The following CHD7 variants were observed in gnomAD, a reference collection of about 807,000 sequenced individuals.
CHD7 encodes ATP-dependent chromatin remodeler CHD7.
In CHD7, 24 loss-of-function variants were observed where a neutral mutation model predicts 307.3. That is an observed-to-expected ratio of 0.08 (90% CI 0.06 to 0.11). The LOEUF is 0.11. Ranked by LOEUF, CHD7 falls within the 10% of genes least tolerant of loss-of-function variation. CHD7 has a pLI of 1.00. For missense variants in CHD7, 3,106 were observed against 3,727.1 expected (o/e 0.83, Z 4.34); for synonymous variants, 1,363 against 1,349.9 (o/e 1.01, Z -0.21).
chr8:60,730,815 G>A (rs953274982), intron 1 of CHD7, among the ~76,000 whole-genome samples: 8 of 151,756 alleles, frequency 5.3e-5, no homozygotes, highest in Admixed American at 2.0e-4. Flanking sequence ...AGCTGAGATC[G>A]CGCCACTGCA....
intron 8 of CHD7, among the ~76,000 whole-genome samples, chr8:60,819,506 A>G (rs548502723): frequency 6.6e-6 from 1 of 152,354 alleles, no homozygotes; most frequent in African/African-American, 2.4e-5. Context: ...ACCAAACATT[A>G]TAAACTCTGA....
At chr8:60,710,197 G>C (rs1586194902) in intron 1 of CHD7, among the ~76,000 whole-genome samples, 1 of 150,380 alleles carries the variant, frequency 6.6e-6, no homozygotes, top group South Asian at 2.1e-4. Context: ...CACGCTCTTA[G>C]TTGATCATAA....
intron 34 of CHD7, among the ~76,000 whole-genome samples, chr8:60,857,988 G>A (rs1292379108): frequency 6.6e-6 from 1 of 152,206 alleles, no homozygotes; most frequent in African/African-American, 2.4e-5. Context: ...GGGCATGGTG[G>A]CTCACGCCTG....
Position 60,862,738 on chromosome 8 carries a change from T to C in CHD7, c.8076+86T>C, listed in dbSNP as rs1806059250. ...TTTCTTATTTTCTGTTGGCCATTAA[T>C]TATTCAGTTGTAACTTAGCTTAAAA... On this transcript the variant is annotated intron_variant, in intron 37 of 37. Transcript: ENST00000423902. 4.5e-6 allele frequency: 4 copies of C among 892,312 alleles called. No homozygotes were observed. The East Asian group carries it at 1.1e-4, about 24-fold the overall frequency. The allele number at this position is 892,312 out of a possible 1,614,324, so 55.3% of individuals were successfully genotyped here.
At position 60,856,151 on chromosome 8, in the gene CHD7, A is replaced by T; in HGVS notation, c.7113A>T (p.Gln2371His). The T allele has an allele frequency of 6.2e-7, 1 of 1,606,964 alleles. No homozygotes were observed. Among genetic ancestry groups the T allele is most frequent in the East Asian group, 2.2e-5 (1 of 44,682 alleles). Reference protein sequence around the residue: ...RSFAELSMVGQASISGSEDIT... With the variant: ...RSFAELSMVGHASISGSEDIT... ...TTGCTGAGCTCTCCATGGTCGGCCA[A>T]GCCAGCATTAGTGGGAGTGAGGACA... The change falls in exon 33 of 38, where the codon CAA (glutamine) becomes CAT (histidine). Residue 2371 changes from glutamine to histidine, a missense_variant. Transcript: ENST00000423902.
intron 1 of CHD7, among the ~76,000 whole-genome samples, chr8:60,711,240 T>C (rs544290191): frequency 6.6e-6 from 1 of 152,300 alleles, no homozygotes; most frequent in East Asian, 1.9e-4. Context: ...TTAATTATAG[T>C]CCCACATCAC....
At chr8:60,776,853 G>GA (rs2150659893) in intron 2 of CHD7, among the ~76,000 whole-genome samples, 1 of 152,076 alleles carries the variant, frequency 6.6e-6, no homozygotes, top group African/African-American at 2.4e-5. Context: ...GGGAATACTG[G>GA]AAAAAATAAA....
intron 2 of CHD7, among the ~76,000 whole-genome samples, chr8:60,752,466 C>T (rs528191612): frequency 6.6e-6 from 1 of 152,338 alleles, no homozygotes; most frequent in East Asian, 1.9e-4. Flanking sequence ...TGGCCTCTTG[C>T]CAGCGGCTGC....
chr8:60,853,203 G>A lies in CHD7; in HGVS notation c.6478G>A (p.Ala2160Thr), dbSNP rs61753399. Residue 2160 changes from alanine (A) to threonine (T), a missense_variant, in exon 31 of 38, where the codon GCT becomes ACT. Physicochemically the swap from Ala to Thr is moderately conservative, Grantham distance 58 (BLOSUM62 0). Transcript: ENST00000423902. ...FVQTPPVISS[A>T]HIQDERVLEQ... ...CCAGACTCCTCCAGTCATCTCATCT[G>A]CTCATATTCAAGATGAGAGGGTACT... is the stretch of plus-strand genomic sequence containing the variant. 1,246 of 1,613,856 alleles carry A rather than the reference G, an allele frequency of 7.7e-4. 10 individuals carry two copies. The African/African-American group carries it at 0.015, about 19-fold the overall frequency.
chr8:60,770,038 A>G (rs1269382773), intron 2 of CHD7, among the ~76,000 whole-genome samples: 1 of 152,236 alleles, frequency 6.6e-6, no homozygotes, highest in African/African-American at 2.4e-5. Context: ...ATATTGTGCT[A>G]TGCAAACAAG....
At chr8:60,798,960 A>C (rs775738808) in intron 4 of CHD7, among the ~76,000 whole-genome samples, 29 of 152,150 alleles carry the variant, frequency 1.9e-4, no homozygotes, top group Non-Finnish European at 3.7e-4. Flanking sequence ...GTTCTGTTCC[A>C]TTTGCTTCTC....
intron 1 of CHD7, among the ~76,000 whole-genome samples, chr8:60,724,080 C>A (rs1010667953): frequency 9.9e-5 from 15 of 152,146 alleles, no homozygotes; most frequent in African/African-American, 3.6e-4. Flanking sequence ...GTCTTTTAGC[C>A]CTCATGTTCA....
At chr8:60,713,309 C>T (rs1563535998) in intron 1 of CHD7, among the ~76,000 whole-genome samples, 3 of 151,846 alleles carry the variant, frequency 2.0e-5, no homozygotes, top group Admixed American at 6.6e-5. Flanking sequence ...GACGGGGTTT[C>T]GCCATATTGG....
At chr8:60,708,516 G>C (rs1807122407) in intron 1 of CHD7, among the ~76,000 whole-genome samples, 1 of 152,092 alleles carries the variant, frequency 6.6e-6, no homozygotes, top group East Asian at 1.9e-4. Context: ...TTTAACCCTT[G>C]AAAACAGATT....
At chr8:60,718,959 T>C (rs1044777242) in intron 1 of CHD7, among the ~76,000 whole-genome samples, 1 of 152,274 alleles carries the variant, frequency 6.6e-6, no homozygotes, top group African/African-American at 2.4e-5. Context: ...TGTAACATGC[T>C]GCACAGGTTT....
chr8:60,821,978 G>A (rs759728152), intron 10 of CHD7, 46 bp from the exon 11 acceptor site: 1 of 1,613,422 alleles, frequency 6.2e-7, no homozygotes, highest in East Asian at 2.2e-5. Flanking sequence ...GCATAGTGGT[G>A]TGGTCTTTGG....
intron 22 of CHD7, 77 bp from the exon 23 acceptor site, chr8:60,845,173 G>A (rs575074941): frequency 4.6e-5 from 72 of 1,570,166 alleles, no homozygotes; most frequent in East Asian, 6.7e-5. Context: ...TCCCTGCCTC[G>A]TGCATTAAGC....
chr8:60,775,312 A>T (rs375577678), intron 2 of CHD7, among the ~76,000 whole-genome samples: 4 of 152,396 alleles, frequency 2.6e-5, no homozygotes, highest in African/African-American at 9.6e-5. Context: ...GACATATAGG[A>T]ATATGTAACA....
intron 9 of CHD7, among the ~76,000 whole-genome samples, chr8:60,820,857 A>G (rs927163877): frequency 6.6e-6 from 1 of 152,034 alleles, no homozygotes; most frequent in East Asian, 1.9e-4. Flanking sequence ...TACTTTTCTA[A>G]TTTTCCTTAG....
Sources: gnomAD v4.1 joint callset for allele counts (sites outside exome capture counted in the v4.1 genomes callset) on GRCh38, gnomAD v4.1.1 for gene constraint, MANE v1.5 for transcripts, NCBI Gene and HGNC (gene_info 2026-07-23, HGNC 2026-07-21) for gene names.